Variants in SPATA13 observed in about 807,000 individuals in gnomAD.
The protein encoded by SPATA13 is spermatogenesis-associated protein 13.
In SPATA13, 50 loss-of-function variants were observed where a neutral mutation model predicts 104.0. The ratio of observed to expected loss-of-function variants is 0.48; its 90% CI spans 0.38 to 0.61. SPATA13 has a LOEUF of 0.61. Ranked by LOEUF, SPATA13 falls within the 20% of genes least tolerant of loss-of-function variation. The pLI, the probability that SPATA13 is intolerant of heterozygous loss-of-function variation, is 0.00. For synonymous variants in SPATA13, 606 were observed against 667.5 expected (o/e 0.91, Z 1.42); for missense variants, 1,524 against 1,690.6 (o/e 0.90, Z 1.73).
chr13:24,283,524 T>G (rs974626319), intron 4 of SPATA13, among the ~76,000 whole-genome samples: 1 of 152,246 alleles, frequency 6.6e-6, no homozygotes, highest in Admixed American at 6.5e-5. Context: ...AAAGAAAATC[T>G]GACTAGCAGG....
chr13:24,201,035 A>T lies in SPATA13; in HGVS notation c.-111-21784A>T, dbSNP rs1217430541. Among the ~76,000 whole-genome samples the T allele has an allele frequency of 2.0e-3, 28 of 14,088 alleles. 1 individual carries two copies. In the South Asian group the frequency reaches 0.059, roughly 30 times the overall value. The allele number at this position is 14,088 out of a possible 152,430, so 9.2% of individuals were successfully genotyped here. A position where few individuals can be genotyped will look rare whatever the true frequency, so the allele number is the denominator to read the frequency against. On this transcript the variant is annotated intron_variant, in intron 1 of 12. Transcript: ENST00000382108. ...ATTTTAAATTCAGCTAGTCAGTCAC[A>T]CACACACACACACACACACACACAC...
At chr13:24,275,024 C>G (rs902029554) in intron 4 of SPATA13, among the ~76,000 whole-genome samples, 1 of 152,216 alleles carries the variant, frequency 6.6e-6, no homozygotes, top group African/African-American at 2.4e-5. Context: ...GGACTACCCT[C>G]CCCCACTTAT....
intron 2 of SPATA13, among the ~76,000 whole-genome samples, chr13:24,234,385 A>T (rs1008726342): frequency 5.9e-5 from 9 of 152,168 alleles, no homozygotes; most frequent in African/African-American, 1.9e-4. Flanking sequence ...TTTTAGCTTG[A>T]TGACTAAGAA....
chr13:24,150,834 T>A (rs1183705221), intron 3 of SPATA13, among the ~76,000 whole-genome samples: 2 of 152,156 alleles, frequency 1.3e-5, no homozygotes, highest in African/African-American at 4.8e-5. Flanking sequence ...TCTCCTTTAC[T>A]CAAGTCTAGT....
chr13:24,255,103 G>A (rs530623244), intron 4 of SPATA13, among the ~76,000 whole-genome samples: 449 of 152,322 alleles, frequency 2.9e-3, no homozygotes, highest in Non-Finnish European at 5.3e-3. Context: ...GTGCGCACGA[G>A]CTAAATCCTT....
In SPATA13 at chr13:24,223,625, C is replaced by T. The variant is rs199664552; in HGVS notation, c.696C>T (p.Pro232=). The T allele has an allele frequency of 5.2e-5, 80 of 1,551,718 alleles. No individual in the cohort carries two copies. Among genetic ancestry groups the T allele is most frequent in the Middle Eastern group, 1.7e-4 (1 of 6,016 alleles). ...CCACGATAGCCACTGGCCAGGTGCC[C>T]GCCGTGTGTGAGATTCTCGTGAGGG... ...ATPTIATGQV[P]AVCEILVRDP... The change falls in exon 2 of 13, where the codon CCC becomes CCT. Residue 232 remains proline (P), a synonymous_variant. Transcript: ENST00000382108.
intron 1 of SPATA13, among the ~76,000 whole-genome samples, chr13:24,214,773 T>C (rs1411683825): frequency 6.6e-6 from 1 of 152,214 alleles, no homozygotes; most frequent in African/African-American, 2.4e-5. Flanking sequence ...TTCTGCCTTG[T>C]AAAGGGTAAC....
intron 1 of SPATA13, among the ~76,000 whole-genome samples, chr13:24,206,053 A>C (rs1870680982): frequency 6.6e-6 from 1 of 152,188 alleles, no homozygotes; most frequent in African/African-American, 2.4e-5. Flanking sequence ...AAAAGCAATC[A>C]CAACAAAAGC....
intron 3 of SPATA13, among the ~76,000 whole-genome samples, chr13:24,059,123 C>T (rs1044725504): frequency 6.6e-5 from 10 of 151,806 alleles, no homozygotes; most frequent in African/African-American, 2.4e-4. Flanking sequence ...AGTCGCCCAC[C>T]ACCATGTCCT....
chr13:24,145,952 C>T (rs958299623), intron 3 of SPATA13, among the ~76,000 whole-genome samples: 4 of 152,166 alleles, frequency 2.6e-5, no homozygotes, highest in African/African-American at 4.8e-5. Flanking sequence ...CCGACCAAGT[C>T]AACAGGCATA....
chr13:24,120,545 C>T (rs1041327472), intron 3 of SPATA13, among the ~76,000 whole-genome samples: 32 of 152,212 alleles, frequency 2.1e-4, no homozygotes, highest in Non-Finnish European at 5.9e-5. Context: ...ACACCACTCA[C>T]TAGCTGCCTG....
chr13:24,209,045 CT>C (rs1870866832), intron 1 of SPATA13, among the ~76,000 whole-genome samples: 1 of 152,168 alleles, frequency 6.6e-6, no homozygotes, highest in African/African-American at 2.4e-5. Flanking sequence ...TCAGCTGTGG[CT>C]TCCTGGTTCC....
At chr13:24,241,718 T>C (rs953244805) in intron 2 of SPATA13, among the ~76,000 whole-genome samples, 2 of 152,112 alleles carry the variant, frequency 1.3e-5, no homozygotes, top group East Asian at 1.9e-4. Context: ...ACACACCCCA[T>C]TGAGGGCTAT....
intron 1 of SPATA13, among the ~76,000 whole-genome samples, chr13:24,203,962 G>C (rs1026512256): frequency 2.0e-5 from 3 of 152,216 alleles, no homozygotes; most frequent in African/African-American, 7.2e-5. Flanking sequence ...TTATGGTCTA[G>C]TGAGGGTGCC....
At chr13:24,144,826 C>T (rs1881878694) in intron 3 of SPATA13, among the ~76,000 whole-genome samples, 1 of 152,234 alleles carries the variant, frequency 6.6e-6, no homozygotes, top group South Asian at 2.1e-4. Context: ...TCCTTGCACC[C>T]TCCTGGCCAT....
intron 9 of SPATA13, among the ~76,000 whole-genome samples, chr13:24,292,903 C>T (rs549566883): frequency 1.3e-4 from 18 of 135,714 alleles, no homozygotes; most frequent in South Asian, 4.7e-4. Flanking sequence ...GGCTGAGGCA[C>T]GAAAATCGCT....
intron 3 of SPATA13, among the ~76,000 whole-genome samples, chr13:24,115,452 T>A (rs549552490): frequency 6.6e-6 from 1 of 152,262 alleles, no homozygotes; most frequent in Non-Finnish European, 1.5e-5. Context: ...TAGATTCTCA[T>A]AGGAGCGTGA....
rs1162408079 is a variant in SPATA13 at position 24,307,068 on chromosome 13, A to C, written c.*4295A>C. ...TTTGTATATTAAAATTCATTTGCCAAACTCGTTCTGATGATGCATTTGAGT... is the reference window on the plus strand; with the variant it reads ...TTTGTATATTAAAATTCATTTGCCACACTCGTTCTGATGATGCATTTGAGT... On this transcript the variant is annotated 3_prime_UTR_variant, in exon 13 of 13. Coordinates refer to ENST00000382108, the MANE Select transcript of SPATA13 (RefSeq NM_001166271.3). 1 of 152,240 alleles carries C rather than the reference A, an allele frequency of 6.6e-6. No homozygotes were observed. The highest frequency in any genetic ancestry group is 1.5e-5 in the Non-Finnish European group (1 of 68,052). The allele number at this position is 152,240 out of a possible 1,614,324, so 9.4% of individuals were successfully genotyped here.
chr13:24,100,206 C>A (rs755220766), intron 3 of SPATA13, among the ~76,000 whole-genome samples: 10 of 151,986 alleles, frequency 6.6e-5, no homozygotes, highest in Non-Finnish European at 1.0e-4. Flanking sequence ...AAGTTAATTT[C>A]TATGATTTAT....
Sources: allele counts gnomAD v4.1 joint callset (sites outside exome capture counted in the v4.1 genomes callset), GRCh38; gene constraint gnomAD v4.1.1; transcripts MANE v1.5; gene names NCBI Gene and HGNC (gene_info 2026-07-23, HGNC 2026-07-21).